The following KCNMB2 variants were observed in gnomAD, a reference collection of about 807,000 sequenced individuals.
KCNMB2 encodes potassium calcium-activated channel subfamily M regulatory beta subunit 2.
KCNMB2 carries 9 observed loss-of-function variants against 24.5 expected under a neutral mutation model. The observed-to-expected ratio is 0.37, with a 90% CI of 0.22 to 0.64. The LOEUF (loss-of-function observed/expected upper bound fraction) is 0.64. Ranked by LOEUF, KCNMB2 falls within the 30% of genes least tolerant of loss-of-function variation. The pLI is 0.63. For missense variants in KCNMB2, 226 were observed against 284.3 expected (o/e 0.79, Z 1.47); for synonymous variants, 109 against 104.4 (o/e 1.04, Z -0.27).
intron 1 of KCNMB2, among the ~76,000 whole-genome samples, chr3:178,752,742 T>C (rs563384827): frequency 2.9e-4 from 44 of 152,260 alleles, no homozygotes; most frequent in African/African-American, 1.0e-3. Context: ...AAACACTTAA[T>C]GGGCAGGATT....
intron 1 of KCNMB2, among the ~76,000 whole-genome samples, chr3:178,579,189 T>C (rs908168241): frequency 6.6e-6 from 1 of 152,118 alleles, no homozygotes; most frequent in African/African-American, 2.4e-5. Context: ...TACAATGCAA[T>C]CAAATTAGAA....
At position 178,842,715 on chromosome 3, in the gene KCNMB2, C is replaced by A; in HGVS notation, c.486C>A (p.Val162=). Residue 162 remains valine, a synonymous_variant, in exon 5 of 5, where the codon GTC becomes GTA. Coordinates refer to ENST00000452583, the MANE Select transcript of KCNMB2 (RefSeq NM_181361.3). Reference sequence around the variant, plus strand: ...AATCCATGTCCCTGGTGAATGTTGTCATGGAAAACTTCAGGAAGTATCAAC... The same window carrying A: ...AATCCATGTCCCTGGTGAATGTTGTAATGGAAAACTTCAGGAAGTATCAAC... ...FEESMSLVNV[V]MENFRKYQHF... 6.2e-7 allele frequency: 1 copy of A among 1,613,240 alleles called. No homozygotes were observed. Among genetic ancestry groups the A allele is most frequent in the South Asian group, 1.1e-5 (1 of 91,034 alleles).
intron 1 of KCNMB2, among the ~76,000 whole-genome samples, chr3:178,669,310 G>A (rs576243104): frequency 6.6e-6 from 1 of 152,172 alleles, no homozygotes; most frequent in African/African-American, 2.4e-5. Flanking sequence ...GAAGAGGACA[G>A]ACAAATGAAG....
At chr3:178,803,179 A>G (rs7627504) in intron 1 of KCNMB2, among the ~76,000 whole-genome samples, 26,986 of 152,214 alleles carry the variant, frequency 0.18, 2,534 homozygotes, top group African/African-American at 0.23. Context: ...TGACTTGTCC[A>G]AAGTCACAGA....
chr3:178,662,638 T>C (rs1341525654), intron 1 of KCNMB2, among the ~76,000 whole-genome samples: 1 of 152,172 alleles, frequency 6.6e-6, no homozygotes, highest in Non-Finnish European at 1.5e-5. Flanking sequence ...CAAATATAAA[T>C]TGTGGATAAT....
chr3:178,768,959 G>A (rs1486689233), intron 1 of KCNMB2, among the ~76,000 whole-genome samples: 1 of 74,036 alleles, frequency 1.4e-5, no homozygotes, highest in Non-Finnish European at 3.1e-5. Flanking sequence ...ATTGCACGGT[G>A]AAGAAGTGAT....
In KCNMB2 at chr3:178,751,265, A is replaced by G. The variant is rs531595900; in HGVS notation, c.-67-56078A>G. Among the ~76,000 whole-genome samples, 13 of 152,260 alleles carry G rather than the reference A, an allele frequency of 8.5e-5. No individual in the cohort carries two copies. The South Asian group carries it at 2.7e-3, about 32-fold the overall frequency. ...GTTCAGAGACAAATAGATAATAATAATCTTTTAAATCCTTCAAAATTAAAA... is the reference window on the plus strand; with the variant it reads ...GTTCAGAGACAAATAGATAATAATAGTCTTTTAAATCCTTCAAAATTAAAA... On this transcript the variant is annotated intron_variant, in intron 1 of 4. Coordinates refer to ENST00000452583, the MANE Select transcript of KCNMB2 (RefSeq NM_181361.3).
intron 1 of KCNMB2, among the ~76,000 whole-genome samples, chr3:178,639,855 A>T (rs1022066598): frequency 2.6e-5 from 4 of 152,248 alleles, no homozygotes; most frequent in African/African-American, 9.6e-5. Context: ...CAATTTTTAA[A>T]TCAAGTTCTT....
At chr3:178,792,227 A>G (rs1235292101) in intron 1 of KCNMB2, among the ~76,000 whole-genome samples, 2 of 152,216 alleles carry the variant, frequency 1.3e-5, no homozygotes, top group Non-Finnish European at 2.9e-5. Flanking sequence ...AGAAATGACT[A>G]AAAGTTTAAA....
intron 1 of KCNMB2, among the ~76,000 whole-genome samples, chr3:178,550,556 T>TC (rs1691547238): frequency 6.6e-6 from 1 of 151,838 alleles, no homozygotes; most frequent in Non-Finnish European, 1.5e-5. Flanking sequence ...TAGGTCAAGT[T>TC]CCCAGGAGTT....
At chr3:178,818,922 C>T (rs1560034008) in intron 2 of KCNMB2, among the ~76,000 whole-genome samples, 1 of 117,304 alleles carries the variant, frequency 8.5e-6, no homozygotes, top group Non-Finnish European at 1.7e-5. Context: ...TATATTCTGC[C>T]TGGATACTCT....
chr3:178,761,785 C>T (rs1042582774), intron 1 of KCNMB2, among the ~76,000 whole-genome samples: 2 of 152,254 alleles, frequency 1.3e-5, no homozygotes, highest in East Asian at 1.9e-4. Flanking sequence ...CCTAATATCA[C>T]GCATTGACCA....
Position 178,810,421 on chromosome 3 carries a change from C to T in KCNMB2, c.56+2956C>T, listed in dbSNP as rs139768233. ...AACAGGGCCAAATGTGTCAGTATAT[C>T]GGATTCCCTGGGATTCCTCAAATCG... On this transcript the variant is annotated intron_variant, in intron 2 of 4. Transcript: ENST00000452583. Among the ~76,000 whole-genome samples, 316 of 152,236 alleles carry T rather than the reference C, an allele frequency of 2.1e-3. 2 individuals carry two copies. The highest frequency in any genetic ancestry group is 6.9e-3 in the African/African-American group (288 of 41,540).
intron 1 of KCNMB2, among the ~76,000 whole-genome samples, chr3:178,690,693 A>T (rs927656359): frequency 1.3e-5 from 2 of 152,230 alleles, no homozygotes; most frequent in Admixed American, 1.3e-4. Flanking sequence ...TTAATAACAA[A>T]CCACTCACAT....
At chr3:178,585,471 T>C (rs183964458) in intron 1 of KCNMB2, among the ~76,000 whole-genome samples, 67 of 152,342 alleles carry the variant, frequency 4.4e-4, no homozygotes, top group African/African-American at 1.3e-3. Context: ...GGATCATTGT[T>C]TTCCACTTAC....
chr3:178,817,670 A>G (rs979004307), intron 2 of KCNMB2, among the ~76,000 whole-genome samples: 26 of 152,120 alleles, frequency 1.7e-4, no homozygotes, highest in African/African-American at 5.8e-4. Flanking sequence ...GTGCCTGGAG[A>G]GTTTGATTTT....
intron 1 of KCNMB2, among the ~76,000 whole-genome samples, chr3:178,757,663 TGTATATATATCC>T (rs1213665119): frequency 0.011 from 450 of 42,104 alleles, 14 homozygotes; most frequent in Middle Eastern, 0.024. Flanking sequence ...TATATATATA[TGTATATATATCC>T]AAGAGGATAT....
At chr3:178,629,869 C>T (rs536962605) in intron 1 of KCNMB2, among the ~76,000 whole-genome samples, 1 of 152,296 alleles carries the variant, frequency 6.6e-6, no homozygotes, top group South Asian at 2.1e-4. Context: ...TACATACCTC[C>T]ATACTTTCAA....
chr3:178,761,161 A>C (rs1249666725), intron 1 of KCNMB2, among the ~76,000 whole-genome samples: 1 of 152,194 alleles, frequency 6.6e-6, no homozygotes, highest in Non-Finnish European at 1.5e-5. Context: ...AACTTCATTT[A>C]AAGAAAATCT....
Sources: allele counts gnomAD v4.1 joint callset (sites outside exome capture counted in the v4.1 genomes callset), GRCh38; gene constraint gnomAD v4.1.1; transcripts MANE v1.5; gene names NCBI Gene and HGNC (gene_info 2026-07-23, HGNC 2026-07-21).